The following SV2C variants were observed in gnomAD, a reference collection of about 807,000 sequenced individuals.
SV2C encodes the protein solute carrier family 22 member B3.
Under a neutral mutation model 79.7 loss-of-function variants are expected in SV2C, and 49 were observed. The ratio of observed to expected loss-of-function variants is 0.61; its 90% CI spans 0.49 to 0.78. SV2C has a LOEUF of 0.78. Ranked by LOEUF, SV2C falls within the 30% of genes least tolerant of loss-of-function variation. The pLI is 0.00. For synonymous variants in SV2C, 334 were observed against 333.2 expected, an observed-to-expected ratio of 1.00 and a Z score of -0.03; for missense variants, 833 against 912.9, an observed-to-expected ratio of 0.91 and a Z score of 1.13.
intron 12 of SV2C, among the ~76,000 whole-genome samples, chr5:76,316,803 C>A (rs964113139): frequency 1.3e-5 from 2 of 152,128 alleles, no homozygotes; most frequent in Non-Finnish European, 2.9e-5. Flanking sequence ...GTCCAGCCCC[C>A]CTGAGAAGCT....
chr5:76,065,544 G>A, the SV2C span, among the ~76,000 whole-genome samples: 4 of 152,120 alleles, frequency 2.6e-5, no homozygotes, highest in African/African-American at 9.7e-5. Context: ...TAAGAAATAC[G>A]TAATTTTTTA....
the SV2C span, among the ~76,000 whole-genome samples, chr5:75,885,301 T>G: frequency 6.6e-6 from 1 of 152,134 alleles, no homozygotes; most frequent in Non-Finnish European, 1.5e-5. Context: ...CTGAACTATC[T>G]ATTTAAGAAT....
the SV2C span, among the ~76,000 whole-genome samples, chr5:76,055,550 T>C: frequency 2.0e-5 from 3 of 152,242 alleles, no homozygotes; most frequent in Non-Finnish European, 2.9e-5. Context: ...AATGGTAGTT[T>C]GATGCAAATA....
At chr5:76,056,624 CTTTTTTTTTTTTTT>C in the SV2C span, among the ~76,000 whole-genome samples, 7 of 65,720 alleles carry the variant, frequency 1.1e-4, no homozygotes, top group South Asian at 7.2e-4. Context: ...CCTGGGCTTT[CTTTTTTTTTTTTTT>C]TTTTTTTTTT....
intron 2 of SV2C, among the ~76,000 whole-genome samples, chr5:76,155,279 A>G: frequency 6.6e-6 from 1 of 152,338 alleles, no homozygotes; most frequent in East Asian, 1.9e-4. Context: ...CACCAGGCAT[A>G]TGGGCATTCA....
At chr5:76,074,764 G>C in the SV2C span, among the ~76,000 whole-genome samples, 1 of 152,184 alleles carries the variant, frequency 6.6e-6, no homozygotes, top group South Asian at 2.1e-4. Context: ...CCTTTTGCTT[G>C]TTAAGATACT....
At chr5:75,984,352 G>A in the SV2C span, among the ~76,000 whole-genome samples, 2 of 152,064 alleles carry the variant, frequency 1.3e-5, no homozygotes, top group Non-Finnish European at 2.9e-5. Flanking sequence ...AGTAATAAAA[G>A]GGCCTACTAT....
intron 12 of SV2C, chr5:76,311,583 A>C (rs1257660007): frequency 6.6e-6 from 1 of 152,256 alleles, no homozygotes; most frequent in Non-Finnish European, 1.5e-5. Context: ...TAGTCTTTTA[A>C]CAGTTTCTAC....
the SV2C span, among the ~76,000 whole-genome samples, chr5:75,896,934 A>C: frequency 0.014 from 2,031 of 143,972 alleles, 75 homozygotes; most frequent in African/African-American, 0.056. Flanking sequence ...TTTCTTGTAA[A>C]TTTGTTTGAG....
chr5:76,115,212 G>A (rs1443182231), intron 1 of SV2C, among the ~76,000 whole-genome samples: 2 of 152,216 alleles, frequency 1.3e-5, no homozygotes, highest in African/African-American at 4.8e-5. Flanking sequence ...TGGCGTGACT[G>A]CTTTTAGTTT....
At chr5:76,309,090 A>G (rs16873306) in intron 12 of SV2C, among the ~76,000 whole-genome samples, 6,672 of 152,296 alleles carry the variant, frequency 0.044, 174 homozygotes, top group Middle Eastern at 0.085. Flanking sequence ...AAAGATGGAA[A>G]GAACATTTCA....
the SV2C span, among the ~76,000 whole-genome samples, chr5:75,883,012 C>T: frequency 6.8e-6 from 1 of 148,008 alleles, no homozygotes; most frequent in African/African-American, 2.5e-5. Flanking sequence ...CAAACAACCC[C>T]ATCAAAAAGT....
chr5:76,073,488 G>T, the SV2C span, among the ~76,000 whole-genome samples: 5 of 110,618 alleles, frequency 4.5e-5, no homozygotes, highest in African/African-American at 3.6e-5. Context: ...AAGAAAATGT[G>T]GTATGTATGT....
At chr5:75,858,125 G>T in the SV2C span, among the ~76,000 whole-genome samples, 1 of 152,068 alleles carries the variant, frequency 6.6e-6, no homozygotes, top group Non-Finnish European at 1.5e-5. Flanking sequence ...GCTCTAGCTG[G>T]GATTCCCAGT....
At chr5:76,120,346 T>TC (rs1748441523) in intron 1 of SV2C, among the ~76,000 whole-genome samples, 1 of 151,896 alleles carries the variant, frequency 6.6e-6, no homozygotes, top group African/African-American at 2.4e-5. Flanking sequence ...TGAAAATTGT[T>TC]CTTTTTTTCT....
intron 4 of SV2C, among the ~76,000 whole-genome samples, chr5:76,268,987 G>A (rs995319088): frequency 9.2e-5 from 14 of 152,212 alleles, no homozygotes; most frequent in African/African-American, 3.4e-4. Flanking sequence ...GTTAGAAAAC[G>A]AAGTTTCGAA....
At chr5:75,897,254 AG>A in the SV2C span, among the ~76,000 whole-genome samples, 17 of 151,754 alleles carry the variant, frequency 1.1e-4, no homozygotes, top group Non-Finnish European at 2.2e-4. Context: ...ATAAGGTGTA[AG>A]GAAGGGATCC....
chr5:76,299,062 C>T, intron 10 of SV2C, 135 bp downstream of exon 10: 1 of 1,102,122 alleles, frequency 9.1e-7, no homozygotes, highest in Non-Finnish European at 1.2e-6. Context: ...TTCTCTAAAT[C>T]AGGTTGGATC....
chr5:76,244,930 C>A (rs1046202419), intron 4 of SV2C, among the ~76,000 whole-genome samples: 1 of 152,174 alleles, frequency 6.6e-6, no homozygotes, highest in Non-Finnish European at 1.5e-5. Flanking sequence ...ATGAAGAGAT[C>A]ATATAAAGAA....
Sources: gnomAD v4.1 joint callset for allele counts (sites outside exome capture counted in the v4.1 genomes callset) on GRCh38, gnomAD v4.1.1 for gene constraint, MANE v1.5 for transcripts, NCBI Gene and HGNC (gene_info 2026-07-23, HGNC 2026-07-21) for gene names.